DSCAM: variants seen among roughly 807,000 people sequenced by gnomAD.
DSCAM encodes DS cell adhesion molecule, also known as cell adhesion molecule DSCAM.
A neutral mutation model predicts 217.7 loss-of-function variants in DSCAM; 47 were observed. The observed-to-expected ratio is 0.22, with a 90% CI of 0.17 to 0.28. The LOEUF (loss-of-function observed/expected upper bound fraction) is 0.28. Among genes scored for constraint, DSCAM ranks in the 10% least tolerant of loss-of-function variants. The probability of loss-of-function intolerance (pLI) is 1.00; values close to 1 mark genes in which losing one functional copy is unlikely to be tolerated. For missense variants in DSCAM, 2,080 were observed against 2,618.3 expected (o/e 0.79, Z 4.49); for synonymous variants, 1,056 against 1,015.3 (o/e 1.04, Z -0.76).
intron 3 of DSCAM, among the ~76,000 whole-genome samples, chr21:40,381,062 CAAAAAAAAAAAAA>C (rs71186932): frequency 1.5e-5 from 1 of 66,222 alleles, no homozygotes; most frequent in African/African-American, 5.9e-5. Flanking sequence ...GACTCCGTCT[CAAAAAAAAAAAAA>C]AAAAAAAAAG....
At chr21:40,350,877 CTTTTTTTTTTT>C (rs10658416) in intron 5 of DSCAM, among the ~76,000 whole-genome samples, 5 of 63,878 alleles carry the variant, frequency 7.8e-5, no homozygotes, top group East Asian at 6.1e-4. Flanking sequence ...ATAAGTCATA[CTTTTTTTTTTT>C]TTTTTTTTTT....
intron 6 of DSCAM, among the ~76,000 whole-genome samples, chr21:40,343,995 C>T (rs921139843): frequency 6.6e-6 from 1 of 151,970 alleles, no homozygotes; most frequent in African/African-American, 2.4e-5. Flanking sequence ...CCTCCACCTC[C>T]TGGGTTCAAG....
chr21:40,316,119 A>G (rs757457613), intron 8 of DSCAM, among the ~76,000 whole-genome samples: 1 of 152,198 alleles, frequency 6.6e-6, no homozygotes, highest in African/African-American at 2.4e-5. Context: ...TTTAAAACAT[A>G]TCTACCAAAA....
intron 11 of DSCAM, among the ~76,000 whole-genome samples, chr21:40,202,565 C>T (rs981090788): frequency 1.3e-5 from 2 of 152,138 alleles, no homozygotes; most frequent in Admixed American, 1.3e-4. Context: ...GCACCCCCTC[C>T]TAGGGTTGCT....
chr21:40,542,434 A>G (rs796700384), intron 3 of DSCAM, among the ~76,000 whole-genome samples: 2 of 152,310 alleles, frequency 1.3e-5, no homozygotes, highest in African/African-American at 4.8e-5. Context: ...CCAAAAATTC[A>G]TATGTTGAAA....
chr21:40,812,976 G>C (rs1307000801), intron 1 of DSCAM, among the ~76,000 whole-genome samples: 1 of 152,156 alleles, frequency 6.6e-6, no homozygotes, highest in Non-Finnish European at 1.5e-5. Context: ...GTGATCTTGG[G>C]GTAAATTGTT....
At chr21:40,636,975 C>G (rs1396178504) in intron 3 of DSCAM, among the ~76,000 whole-genome samples, 1 of 149,442 alleles carries the variant, frequency 6.7e-6, no homozygotes, top group Non-Finnish European at 1.5e-5. Context: ...TGGTGAGTTA[C>G]AGTTCCCTGT....
At chr21:40,297,288 A>G (rs559266857) in intron 9 of DSCAM, among the ~76,000 whole-genome samples, 1 of 152,326 alleles carries the variant, frequency 6.6e-6, no homozygotes, top group East Asian at 1.9e-4. Context: ...GAGATAAGCC[A>G]TTAGGATTTT....
intron 21 of DSCAM, among the ~76,000 whole-genome samples, chr21:40,091,650 T>C (rs970128748): frequency 2.6e-5 from 4 of 152,176 alleles, no homozygotes; most frequent in African/African-American, 9.7e-5. Flanking sequence ...AATAAAGGCA[T>C]GCCTGAGACT....
chr21:40,349,894 A>T (rs2074610146), intron 5 of DSCAM, among the ~76,000 whole-genome samples: 1 of 152,104 alleles, frequency 6.6e-6, no homozygotes, highest in Non-Finnish European at 1.5e-5. Context: ...AATGACATAC[A>T]GAGAAACAAA....
chr21:40,485,237 C>CTTTT (rs59901955), intron 3 of DSCAM, among the ~76,000 whole-genome samples: 127 of 108,150 alleles, frequency 1.2e-3, no homozygotes, highest in South Asian at 1.8e-3. Context: ...GACTTTCTTT[C>CTTTT]TTTTTTTTTT....
intron 20 of DSCAM, among the ~76,000 whole-genome samples, chr21:40,111,956 C>A (rs1470905907): frequency 6.6e-6 from 1 of 151,988 alleles, no homozygotes; most frequent in East Asian, 1.9e-4. Context: ...GACTCCCACA[C>A]AATAATAATG....
At chr21:40,760,448 T>C (rs2091321820) in intron 1 of DSCAM, among the ~76,000 whole-genome samples, 1 of 152,210 alleles carries the variant, frequency 6.6e-6, no homozygotes, top group Non-Finnish European at 1.5e-5. Flanking sequence ...CCACAGGTCA[T>C]ACTGAGTGGA....
intron 1 of DSCAM, among the ~76,000 whole-genome samples, chr21:40,751,275 C>A (rs1569018385): frequency 6.6e-6 from 1 of 152,208 alleles, no homozygotes; most frequent in Non-Finnish European, 1.5e-5. Context: ...CTCTTCTTCA[C>A]TGCTTCAGTT....
rs778639486 is a variant in DSCAM, at chr21:40,187,168, G to C, written c.2742C>G (p.Pro914=). Residue 914 remains proline (P), a synonymous_variant, in exon 14 of 33, where the codon CCC becomes CCG. Transcript: ENST00000400454. ...RWTMGFDGNS[P]ITGYDIECKN... is the part of the protein sequence containing the mutation. ...TGCATTCAATATCGTAGCCTGTGAT[G>C]GGACTGTTTCCATCAAACCCCATGG... The C allele has an allele frequency of 6.2e-6, 10 of 1,614,130 alleles. No individual in the cohort carries two copies. The East Asian group carries it at 2.2e-4, about 36-fold the overall frequency.
chr21:40,814,706 G>C (rs1371301419), intron 1 of DSCAM, among the ~76,000 whole-genome samples: 1 of 152,172 alleles, frequency 6.6e-6, no homozygotes, highest in Non-Finnish European at 1.5e-5. Context: ...AGATGTGATT[G>C]ACTTGGAACC....
At chr21:40,840,390 G>A (rs566869241) in intron 1 of DSCAM, among the ~76,000 whole-genome samples, 34 of 149,002 alleles carry the variant, frequency 2.3e-4, no homozygotes, top group African/African-American at 2.9e-4. Flanking sequence ...CGGAGTGGGC[G>A]GGGAACCTAA....
chr21:40,026,061 G>GGTAT (rs1380714616), intron 32 of DSCAM, among the ~76,000 whole-genome samples: 1 of 141,800 alleles, frequency 7.1e-6, no homozygotes, highest in Non-Finnish European at 1.6e-5. Flanking sequence ...CAGAGATTCT[G>GGTAT]GTATGTTGTG....
chr21:40,256,472 C>A (rs892854926), intron 11 of DSCAM, among the ~76,000 whole-genome samples: 2 of 151,192 alleles, frequency 1.3e-5, no homozygotes, highest in African/African-American at 4.9e-5. Context: ...CACAAAGAGA[C>A]AGAGAGATTT....
Sources: allele counts gnomAD v4.1 joint callset (sites outside exome capture counted in the v4.1 genomes callset), GRCh38; gene constraint gnomAD v4.1.1; transcripts MANE v1.5; gene names NCBI Gene and HGNC (gene_info 2026-07-23, HGNC 2026-07-21).